OLFM3: variants seen among roughly 807,000 people sequenced by gnomAD.
OLFM3 encodes noelin-3.
Under a neutral mutation model 48.6 loss-of-function variants are expected in OLFM3, and 20 were observed. The observed-to-expected ratio is 0.41, with a 90% CI of 0.29 to 0.60. The LOEUF (loss-of-function observed/expected upper bound fraction) is 0.60. Ranked by LOEUF, OLFM3 falls within the 20% of genes least tolerant of loss-of-function variation. The pLI, the probability that OLFM3 is intolerant of heterozygous loss-of-function variation, is 0.28. For synonymous variants in OLFM3, 222 were observed against 198.1 expected (o/e 1.12, Z -1.01); for missense variants, 437 against 544.3 (o/e 0.80, Z 1.96).
chr1:101,909,893 G>C (rs2101026962), intron 1 of OLFM3: 1 of 872,758 alleles, frequency 1.1e-6, no homozygotes, highest in Non-Finnish European at 1.4e-6. Flanking sequence ...GATTTCCTGA[G>C]CTAAAACGCT....
intron 4 of OLFM3, among the ~76,000 whole-genome samples, chr1:101,816,640 C>T (rs1409688041): frequency 6.6e-6 from 1 of 152,052 alleles, no homozygotes; most frequent in Non-Finnish European, 1.5e-5. Flanking sequence ...TTGGACAATG[C>T]CTTATTCTCT....
At chr1:101,936,532 A>T (rs1659624133) in intron 1 of OLFM3, among the ~76,000 whole-genome samples, 1 of 152,184 alleles carries the variant, frequency 6.6e-6, no homozygotes, top group Non-Finnish European at 1.5e-5. Flanking sequence ...CCATACTGCC[A>T]AAACCTGTTT....
chr1:101,853,967 C>T (rs979292767), intron 1 of OLFM3, among the ~76,000 whole-genome samples: 4 of 152,010 alleles, frequency 2.6e-5, no homozygotes, highest in African/African-American at 4.8e-5. Flanking sequence ...TGGAACCCTA[C>T]ATAAATATGG....
chr1:101,896,894 A>G (rs1459709004), intron 1 of OLFM3, among the ~76,000 whole-genome samples: 1 of 152,124 alleles, frequency 6.6e-6, no homozygotes, highest in Non-Finnish European at 1.5e-5. Context: ...GTAGAAAACA[A>G]CAAGTAATTG....
chr1:101,901,396 A>C (rs1262752358), intron 1 of OLFM3, among the ~76,000 whole-genome samples: 2 of 152,114 alleles, frequency 1.3e-5, no homozygotes, highest in East Asian at 3.8e-4. Flanking sequence ...TTTGAGAAAC[A>C]ATGAGTACTG....
intron 1 of OLFM3, among the ~76,000 whole-genome samples, chr1:101,939,770 G>A (rs1398391381): frequency 6.6e-6 from 1 of 152,138 alleles, no homozygotes; most frequent in African/African-American, 2.4e-5. Context: ...CAAAGTGGTG[G>A]AAGTTTTAAA....
At chr1:101,987,969 C>A (rs138116242) in intron 1 of OLFM3, among the ~76,000 whole-genome samples, 1 of 151,980 alleles carries the variant, frequency 6.6e-6, no homozygotes, top group Non-Finnish European at 1.5e-5. Flanking sequence ...CTCCACTATA[C>A]TTATATTTGT....
chr1:101,935,892 T>C (rs1467738641), intron 1 of OLFM3, among the ~76,000 whole-genome samples: 1 of 152,104 alleles, frequency 6.6e-6, no homozygotes, highest in Admixed American at 6.6e-5. Context: ...CCTTAATAGA[T>C]GGATAAAAGG....
chr1:101,961,654 C>T lies in OLFM3; in HGVS notation c.69+35094G>A, dbSNP rs891925406. Among the ~76,000 whole-genome samples, 6 of 152,076 alleles carry T rather than the reference C, an allele frequency of 3.9e-5. No individual in the cohort carries two copies. In the East Asian group the frequency reaches 7.7e-4, roughly 20 times the overall value. ...TAGTATTTCAAAACAGAGGAGATAGCGATTTACTGCAGACAGCGAGGAGAG... is the reference window on the plus strand; with the variant it reads ...TAGTATTTCAAAACAGAGGAGATAGTGATTTACTGCAGACAGCGAGGAGAG... On this transcript the variant is annotated intron_variant, in intron 1 of 5. Transcript: ENST00000370103.
chr1:101,964,071 T>C (rs1280241021), intron 1 of OLFM3, among the ~76,000 whole-genome samples: 1 of 152,204 alleles, frequency 6.6e-6, no homozygotes, highest in African/African-American at 2.4e-5. Context: ...CATTGATATG[T>C]CTGATCATTG....
intron 5 of OLFM3, among the ~76,000 whole-genome samples, 175 bp downstream of exon 5, chr1:101,805,901 A>C (rs1157200664): frequency 6.6e-6 from 1 of 151,860 alleles, no homozygotes; most frequent in Non-Finnish European, 1.5e-5. Flanking sequence ...TTTTACTAAA[A>C]TAGATTTGTC....
At chr1:101,993,975 A>G (rs1469985696) in intron 1 of OLFM3, among the ~76,000 whole-genome samples, 2 of 151,218 alleles carry the variant, frequency 1.3e-5, no homozygotes, top group Non-Finnish European at 3.0e-5. Flanking sequence ...AAAGACACAC[A>G]CCGCATTATA....
At chr1:101,815,837 T>C (rs1654311439) in intron 4 of OLFM3, among the ~76,000 whole-genome samples, 1 of 152,246 alleles carries the variant, frequency 6.6e-6, no homozygotes, top group South Asian at 2.1e-4. Flanking sequence ...GACAAAACAG[T>C]TTTGATGGTT....
At chr1:101,975,792 T>A (rs1660937277) in intron 1 of OLFM3, among the ~76,000 whole-genome samples, 1 of 152,136 alleles carries the variant, frequency 6.6e-6, no homozygotes, top group African/African-American at 2.4e-5. Flanking sequence ...CAGAGGCTAC[T>A]ATCTTGAGGA....
chr1:101,920,923 C>T (rs1187598421), intron 1 of OLFM3, among the ~76,000 whole-genome samples: 2 of 152,168 alleles, frequency 1.3e-5, no homozygotes, highest in African/African-American at 4.8e-5. Context: ...GAATTTTTCT[C>T]AAAAGTTTTT....
chr1:101,943,727 A>C (rs1659863950), intron 1 of OLFM3, among the ~76,000 whole-genome samples: 1 of 152,188 alleles, frequency 6.6e-6, no homozygotes, highest in Non-Finnish European at 1.5e-5. Flanking sequence ...GTATAGATGT[A>C]TGTATCTATA....
intron 1 of OLFM3, among the ~76,000 whole-genome samples, chr1:101,904,529 T>C (rs1658492791): frequency 6.6e-6 from 1 of 152,080 alleles, no homozygotes; most frequent in Non-Finnish European, 1.5e-5. Flanking sequence ...TGGAGTATAT[T>C]GTTTATCCTT....
At chr1:101,948,961 G>T (rs1019363807) in intron 1 of OLFM3, among the ~76,000 whole-genome samples, 1 of 150,282 alleles carries the variant, frequency 6.7e-6, no homozygotes, top group African/African-American at 2.4e-5. Context: ...TGCCATTTTC[G>T]CACAAACTAT....
intron 1 of OLFM3, among the ~76,000 whole-genome samples, chr1:101,910,555 A>G (rs1658727476): frequency 6.6e-6 from 1 of 152,088 alleles, no homozygotes. Flanking sequence ...TCAAAAGCTT[A>G]TCAACATGAA....
Sources: gnomAD v4.1 joint callset for allele counts (sites outside exome capture counted in the v4.1 genomes callset) on GRCh38, gnomAD v4.1.1 for gene constraint, MANE v1.5 for transcripts, NCBI Gene and HGNC (gene_info 2026-07-23, HGNC 2026-07-21) for gene names.